The following ELOVL7 variants were observed in gnomAD, a reference collection of about 807,000 sequenced individuals.
The protein encoded by ELOVL7 is very long chain fatty acid elongase 7.
A neutral mutation model predicts 35.7 loss-of-function variants in ELOVL7; 27 were observed. That is an observed-to-expected ratio of 0.76 (90% CI 0.56 to 1.04). ELOVL7 has a LOEUF of 1.04. Among genes scored for constraint, ELOVL7 ranks in the 50% least tolerant of loss-of-function variants. The pLI, the probability that ELOVL7 is intolerant of heterozygous loss-of-function variation, is 0.00. For synonymous variants in ELOVL7, 113 were observed against 114.6 expected (o/e 0.99, Z 0.09); for missense variants, 327 against 340.8 (o/e 0.96, Z 0.32).
chr5:60,801,578 C>T (rs1348157300), intron 1 of ELOVL7, among the ~76,000 whole-genome samples: 1 of 151,894 alleles, frequency 6.6e-6, no homozygotes, highest in African/African-American at 2.4e-5. Context: ...TGGCGCACAC[C>T]TGTGGATTCA....
Position 60,764,333 on chromosome 5 carries a change from C to G in ELOVL7, c.394-1G>C, listed in dbSNP as rs757103401. 8 of 1,600,614 alleles carry G rather than the reference C, an allele frequency of 5.0e-6. No homozygotes were observed. Among genetic ancestry groups the G allele is most frequent in the Non-Finnish European group, 6.8e-6 (8 of 1,168,400 alleles). On this transcript the variant is annotated splice_acceptor_variant, in intron 6 of 8. Transcript: ENST00000508821. LOFTEE classifies it high-confidence loss of function. ...TTTTCTTGCGCAGAACAAAAAAGAT[C>G]TGAAATAATTTAAAGAATATCAAGT... is the stretch of plus-strand genomic sequence containing the variant.
At chr5:60,821,341 G>C (rs939113150) in intron 1 of ELOVL7, among the ~76,000 whole-genome samples, 3 of 152,160 alleles carry the variant, frequency 2.0e-5, no homozygotes, top group Admixed American at 2.0e-4. Flanking sequence ...CTTCCAAACA[G>C]TATTCGCTGA....
intron 1 of ELOVL7, among the ~76,000 whole-genome samples, chr5:60,820,681 T>C (rs976351877): frequency 6.6e-6 from 1 of 152,194 alleles, no homozygotes; most frequent in African/African-American, 2.4e-5. Context: ...CCTTCTATTA[T>C]TCGTTCTCCC....
intron 3 of ELOVL7, among the ~76,000 whole-genome samples, chr5:60,774,544 C>T (rs1045775653): frequency 3.9e-5 from 6 of 152,118 alleles, no homozygotes; most frequent in African/African-American, 7.2e-5. Flanking sequence ...CAACATCATA[C>T]CTAATGGGCA....
intron 2 of ELOVL7, among the ~76,000 whole-genome samples, chr5:60,798,291 A>G (rs1442201235): frequency 1.3e-5 from 2 of 152,252 alleles, no homozygotes; most frequent in Admixed American, 6.5e-5. Flanking sequence ...AAGAAGTCAT[A>G]AAAGTAGAAA....
chr5:60,800,721 C>A (rs1019742783), intron 1 of ELOVL7, among the ~76,000 whole-genome samples: 2 of 152,152 alleles, frequency 1.3e-5, no homozygotes, highest in Admixed American at 1.3e-4. Context: ...CATCTCACTG[C>A]GTGTTTGAAT....
At chr5:60,801,921 G>A (rs926816598) in intron 1 of ELOVL7, among the ~76,000 whole-genome samples, 1 of 151,704 alleles carries the variant, frequency 6.6e-6, no homozygotes, top group Non-Finnish European at 1.5e-5. Flanking sequence ...CAGACTGAGG[G>A]CTGCACTGTT....
chr5:60,799,321 G>T (rs1744451164), intron 1 of ELOVL7, 91 bp from the exon 2 acceptor site: 1 of 151,422 alleles, frequency 6.6e-6, no homozygotes, highest in African/African-American at 2.4e-5. Flanking sequence ...GCAGAAGCAA[G>T]AAAACAATAT....
intron 1 of ELOVL7, among the ~76,000 whole-genome samples, chr5:60,811,084 G>A (rs1378058821): frequency 6.6e-6 from 1 of 152,058 alleles, no homozygotes; most frequent in Admixed American, 6.6e-5. Context: ...CTGAGAGGCT[G>A]TATTTATCTT....
At position 60,752,844 on chromosome 5, in the gene ELOVL7, G is replaced by A. The variant is rs888313310; in HGVS notation, c.*1780C>T. 2 of 152,088 alleles carry A rather than the reference G, an allele frequency of 1.3e-5. No homozygotes were observed. Among genetic ancestry groups the A allele is most frequent in the Non-Finnish European group, 2.9e-5 (2 of 68,064 alleles). The allele number at this position is 152,088 out of a possible 1,614,324, so 9.4% of individuals were successfully genotyped here. On this transcript the variant is annotated 3_prime_UTR_variant, in exon 9 of 9. Coordinates refer to ENST00000508821, the MANE Select transcript of ELOVL7 (RefSeq NM_024930.3). Reference sequence around the variant, plus strand: ...TGTAATCCCAGCTACTTGGGAGGCTGAGACAGGAGAATCACTTGAACCTGG... The same window carrying A: ...TGTAATCCCAGCTACTTGGGAGGCTAAGACAGGAGAATCACTTGAACCTGG...
intron 1 of ELOVL7, among the ~76,000 whole-genome samples, chr5:60,828,525 C>T (rs879444693): frequency 6.6e-6 from 1 of 151,886 alleles, no homozygotes; most frequent in Non-Finnish European, 1.5e-5. Flanking sequence ...TAGTATAGAA[C>T]CTTATGGAAA....
At chr5:60,842,354 C>T (rs1039470077) in intron 1 of ELOVL7, among the ~76,000 whole-genome samples, 4 of 151,890 alleles carry the variant, frequency 2.6e-5, no homozygotes, top group Admixed American at 2.0e-4. Context: ...GGGGAAAAGC[C>T]GGGCAAGTCC....
intron 3 of ELOVL7, among the ~76,000 whole-genome samples, chr5:60,786,801 G>T (rs1277477599): frequency 6.6e-6 from 1 of 151,898 alleles, no homozygotes; most frequent in East Asian, 1.9e-4. Context: ...AATTAGCCAG[G>T]CATGGTGGTG....
At chr5:60,767,164 G>A (rs946256534) in intron 5 of ELOVL7, among the ~76,000 whole-genome samples, 3 of 151,974 alleles carry the variant, frequency 2.0e-5, no homozygotes, top group African/African-American at 7.3e-5. Flanking sequence ...GTGCAATCTC[G>A]GTTCACTGCA....
chr5:60,843,692 G>A (rs937910404), intron 1 of ELOVL7, among the ~76,000 whole-genome samples: 2 of 152,204 alleles, frequency 1.3e-5, no homozygotes, highest in Admixed American at 1.3e-4. Flanking sequence ...TGACCTCCGC[G>A]TCCAAGGTCG....
chr5:60,827,642 T>C (rs1746246274), intron 1 of ELOVL7, among the ~76,000 whole-genome samples: 1 of 152,184 alleles, frequency 6.6e-6, no homozygotes, highest in South Asian at 2.1e-4. Flanking sequence ...AGCCTAATAA[T>C]TTCTAGACCT....
chr5:60,754,614 A>T lies in ELOVL7; in HGVS notation c.*10T>A. ...ATGTATCAGTTTCGATCATAGACTT[A>T]TGTTGGGCTTCAATTATCTTTGTTT... On this transcript the variant is annotated 3_prime_UTR_variant, in exon 9 of 9. Coordinates refer to ENST00000508821, the MANE Select transcript of ELOVL7 (RefSeq NM_024930.3). 10 of 1,612,266 alleles carry T rather than the reference A, an allele frequency of 6.2e-6. No individual in the cohort carries two copies. Among genetic ancestry groups the T allele is most frequent in the East Asian group, 2.2e-5 (1 of 44,864 alleles).
intron 1 of ELOVL7, among the ~76,000 whole-genome samples, chr5:60,823,321 T>A (rs1745992745): frequency 6.6e-6 from 1 of 151,988 alleles, no homozygotes; most frequent in African/African-American, 2.4e-5. Context: ...GGAAGCCTTC[T>A]CCAGAGCCTA....
At chr5:60,829,397 A>G (rs985699108) in intron 1 of ELOVL7, among the ~76,000 whole-genome samples, 2 of 152,194 alleles carry the variant, frequency 1.3e-5, no homozygotes, top group African/African-American at 4.8e-5. Flanking sequence ...GAAGTTCTCT[A>G]TATTTCTAAA....
Sources: allele counts gnomAD v4.1 joint callset (sites outside exome capture counted in the v4.1 genomes callset), GRCh38; gene constraint gnomAD v4.1.1; transcripts MANE v1.5; gene names NCBI Gene and HGNC (gene_info 2026-07-23, HGNC 2026-07-21).